The following EPHA5 variants were observed in gnomAD, a reference collection of about 807,000 sequenced individuals.
EPHA5 encodes ephrin type-A receptor 5.
A neutral mutation model predicts 105.0 loss-of-function variants in EPHA5; 60 were observed. The observed-to-expected ratio is 0.57, with a 90% CI of 0.46 to 0.71. The LOEUF (loss-of-function observed/expected upper bound fraction) is 0.71, where lower values mean the gene tolerates loss of function less well. EPHA5 is among the 30% of genes least tolerant of loss of function. EPHA5 has a pLI of 0.00. For synonymous variants in EPHA5, 513 were observed against 449.1 expected (o/e 1.14, Z -1.80); for missense variants, 1,218 against 1,274.7 (o/e 0.96, Z 0.68).
chr4:65,551,290 A>T (rs1307697034), intron 3 of EPHA5, among the ~76,000 whole-genome samples: 2 of 147,828 alleles, frequency 1.4e-5, no homozygotes, highest in Non-Finnish European at 3.0e-5. Context: ...GTATATATAT[A>T]TATATATATA....
At chr4:65,402,124 T>G (rs545652611) in intron 8 of EPHA5, among the ~76,000 whole-genome samples, 1 of 152,082 alleles carries the variant, frequency 6.6e-6, no homozygotes, top group Non-Finnish European at 1.5e-5. Flanking sequence ...TTTAAGGGAC[T>G]CTTCCCCCTT....
In EPHA5 at chr4:65,665,127, A is replaced by G. The variant is rs987621048; in HGVS notation, c.181+4435T>C. 4.6e-5 allele frequency among the ~76,000 whole-genome samples: 7 copies of G among 152,068 alleles called. No homozygotes were observed. In the East Asian group the frequency reaches 1.4e-3, roughly 29 times the overall value. ...AACACGATATTTTTCTTTTGAAAAA[A>G]GAACATTAAATTTGACTCATAAAAA... On this transcript the variant is annotated intron_variant, in intron 1 of 16. Transcript: ENST00000613740.
chr4:65,526,424 T>G (rs1393163016), intron 3 of EPHA5, among the ~76,000 whole-genome samples: 2 of 151,832 alleles, frequency 1.3e-5, no homozygotes, highest in Non-Finnish European at 2.9e-5. Context: ...GGCTATATAT[T>G]AGGCTCATGA....
intron 3 of EPHA5, among the ~76,000 whole-genome samples, chr4:65,597,486 A>T (rs1743303101): frequency 7.9e-6 from 1 of 127,262 alleles, no homozygotes; most frequent in African/African-American, 3.3e-5. Flanking sequence ...CATGAGTCTT[A>T]AGGGGAAAAA....
At chr4:65,496,129 T>A (rs2149228604) in intron 3 of EPHA5, among the ~76,000 whole-genome samples, 1 of 152,322 alleles carries the variant, frequency 6.6e-6, no homozygotes, top group East Asian at 1.9e-4. Context: ...ATTTTAGAAC[T>A]TTTCTTTGAG....
At chr4:65,475,145 CA>C (rs1437907518) in intron 5 of EPHA5, among the ~76,000 whole-genome samples, 1 of 152,092 alleles carries the variant, frequency 6.6e-6, no homozygotes, top group Non-Finnish European at 1.5e-5. Context: ...AACTGCCATT[CA>C]TTCATTTCTG....
intron 3 of EPHA5, among the ~76,000 whole-genome samples, chr4:65,571,537 AGTAAGTTCAAAAGATTGAAAG>A (rs1276207063): frequency 2.6e-5 from 4 of 152,090 alleles, no homozygotes; most frequent in Admixed American, 1.3e-4. Context: ...CTGAACAATG[AGTAAGTTCAAAAGATTGAAAG>A]AAAAGAGGTT....
At chr4:65,454,019 G>T (rs1031641460) in intron 5 of EPHA5, among the ~76,000 whole-genome samples, 4 of 152,194 alleles carry the variant, frequency 2.6e-5, no homozygotes, top group South Asian at 2.1e-4. Context: ...GGTGGCTCAC[G>T]CCTGTAATTC....
intron 3 of EPHA5, among the ~76,000 whole-genome samples, chr4:65,559,578 G>C (rs1190757413): frequency 6.6e-6 from 1 of 152,118 alleles, no homozygotes; most frequent in Non-Finnish European, 1.5e-5. Flanking sequence ...ACATTTCACA[G>C]GGTCTTTCTT....
intron 5 of EPHA5, among the ~76,000 whole-genome samples, chr4:65,428,121 G>T (rs184157549): frequency 1.0e-3 from 152 of 151,980 alleles, no homozygotes; most frequent in Non-Finnish European, 1.6e-3. Context: ...TGCTATCTTT[G>T]TTTTGGGGTA....
chr4:65,589,281 T>C (rs1742413058), intron 3 of EPHA5, among the ~76,000 whole-genome samples: 1 of 151,840 alleles, frequency 6.6e-6, no homozygotes, highest in Non-Finnish European at 1.5e-5. Context: ...GGAAAACAAA[T>C]TCTTATTCTG....
At chr4:65,582,689 C>T (rs1474920914) in intron 3 of EPHA5, among the ~76,000 whole-genome samples, 2 of 151,566 alleles carry the variant, frequency 1.3e-5, no homozygotes, top group African/African-American at 4.8e-5. Flanking sequence ...ACATTTCTTG[C>T]AACTTACTTG....
intron 3 of EPHA5, among the ~76,000 whole-genome samples, chr4:65,579,742 C>G (rs1741431758): frequency 6.6e-6 from 1 of 151,870 alleles, no homozygotes; most frequent in African/African-American, 2.4e-5. Flanking sequence ...ACATGGCAAT[C>G]AAGACAGCTG....
chr4:65,434,450 A>G (rs907667532), intron 5 of EPHA5, among the ~76,000 whole-genome samples: 11 of 152,078 alleles, frequency 7.2e-5, no homozygotes, highest in Admixed American at 1.3e-4. Flanking sequence ...TAATATCTTT[A>G]TTATGGATTT....
chr4:65,443,039 T>C (rs1726169467), intron 5 of EPHA5, among the ~76,000 whole-genome samples: 1 of 152,140 alleles, frequency 6.6e-6, no homozygotes, highest in African/African-American at 2.4e-5. Flanking sequence ...CAACAGTTCT[T>C]TTCAAAGAAC....
At chr4:65,663,875 G>A (rs1405496878) in intron 1 of EPHA5, among the ~76,000 whole-genome samples, 1 of 151,880 alleles carries the variant, frequency 6.6e-6, no homozygotes, top group Non-Finnish European at 1.5e-5. Context: ...TTTATTTGGA[G>A]CTTCATGTGG....
intron 3 of EPHA5, among the ~76,000 whole-genome samples, chr4:65,507,042 TA>T (rs1733105757): frequency 6.6e-6 from 1 of 152,192 alleles, no homozygotes; most frequent in African/African-American, 2.4e-5. Flanking sequence ...TTAATTTTTT[TA>T]TAAGGTGTAA....
chr4:65,411,796 T>C (rs1175600782), intron 7 of EPHA5, among the ~76,000 whole-genome samples: 1 of 152,210 alleles, frequency 6.6e-6, no homozygotes, highest in Non-Finnish European at 1.5e-5. Context: ...ATTGTGTATC[T>C]TCTTTGATTC....
intron 5 of EPHA5, among the ~76,000 whole-genome samples, chr4:65,467,739 T>C (rs1287383302): frequency 6.6e-6 from 1 of 152,000 alleles, no homozygotes; most frequent in East Asian, 1.9e-4. Context: ...ACATGACAAA[T>C]GGGAATTAAA....
Sources: allele counts gnomAD v4.1 joint callset (sites outside exome capture counted in the v4.1 genomes callset), GRCh38; gene constraint gnomAD v4.1.1; transcripts MANE v1.5; gene names NCBI Gene and HGNC (gene_info 2026-07-23, HGNC 2026-07-21).